COL4A3: variants seen among roughly 807,000 people sequenced by gnomAD.
COL4A3 encodes the protein collagen type IV alpha 3 chain, also known as collagen alpha-3(IV) chain.
COL4A3 carries 135 observed loss-of-function variants against 217.4 expected under a neutral mutation model. The observed-to-expected ratio is 0.62, with a 90% CI of 0.54 to 0.72. COL4A3 has a LOEUF of 0.72. COL4A3 is among the 30% of genes least tolerant of loss of function. COL4A3 has a pLI of 0.00. For synonymous variants in COL4A3, 690 were observed against 736.3 expected (o/e 0.94, Z 1.02); for missense variants, 1,868 against 2,119.9 (o/e 0.88, Z 2.33).
chr2:227,263,546 T>C (rs948177574), intron 20 of COL4A3, among the ~76,000 whole-genome samples: 1 of 152,230 alleles, frequency 6.6e-6, no homozygotes, highest in Non-Finnish European at 1.5e-5. Context: ...TTCAGTTTCT[T>C]GTAATAAATT....
intron 1 of COL4A3, chr2:227,169,352 C>A (rs1209588255): frequency 6.6e-6 from 1 of 150,924 alleles, no homozygotes; most frequent in Non-Finnish European, 1.5e-5. Flanking sequence ...AATAAACATA[C>A]GTGTGCATGT....
intron 48 of COL4A3, among the ~76,000 whole-genome samples, chr2:227,308,407 T>C (rs975680154): frequency 5.9e-5 from 9 of 152,050 alleles, no homozygotes; most frequent in African/African-American, 2.2e-4. Context: ...AGAGATGAGG[T>C]CTGGCTATGC....
chr2:227,241,120 CTAAAGTCTGTGATACAGCAA>C (rs1407257313), intron 3 of COL4A3, among the ~76,000 whole-genome samples: 8 of 152,140 alleles, frequency 5.3e-5, no homozygotes, highest in Non-Finnish European at 8.8e-5. Flanking sequence ...CATTCTTATC[CTAAAGTCTGTGATACAGCAA>C]AGGGCTTTGT....
In COL4A3 at chr2:227,284,311, C is replaced by T. The variant is rs373842619; in HGVS notation, c.2847C>T (p.His949=). ...ATCCCGGGCCTTCAGAGATATCCCA[C>T]GTAATAGGGGACAAAGGAGAACCAG... The part of the protein sequence containing the change: ...KGNPGPSEIS[H]VIGDKGEPGL... Residue 949 remains histidine, a synonymous_variant, in exon 34 of 52, where the codon CAC becomes CAT. Coordinates refer to ENST00000396578, the MANE Select transcript of COL4A3 (RefSeq NM_000091.5). 25 of 1,613,800 alleles carry T rather than the reference C, an allele frequency of 1.5e-5. No homozygotes were observed. The highest frequency in any genetic ancestry group is 6.7e-5 in the East Asian group (3 of 44,890).
At position 227,191,628 on chromosome 2, in the gene COL4A3, A is replaced by C. The variant is rs931615146; in HGVS notation, c.87+26815A>C. ...GATTTCAAAGTCGGCCAAATAACTCATCTTGGAGACAGATGTAGCTGAAGT... is the reference window on the plus strand; with the variant it reads ...GATTTCAAAGTCGGCCAAATAACTCCTCTTGGAGACAGATGTAGCTGAAGT... On this transcript the variant is annotated intron_variant, in intron 1 of 51. Coordinates refer to ENST00000396578, the MANE Select transcript of COL4A3 (RefSeq NM_000091.5). This position sits in a 1 kb window ranked among gnomAD's most constrained non-coding sequence, Gnocchi z 6.8. Among the ~76,000 whole-genome samples the C allele has an allele frequency of 2.0e-5, 3 of 152,222 alleles. No homozygotes were observed. The highest frequency in any genetic ancestry group is 4.4e-5 in the Non-Finnish European group (3 of 68,034).
intron 18 of COL4A3, among the ~76,000 whole-genome samples, chr2:227,258,441 C>T (rs1420714227): frequency 6.6e-6 from 1 of 152,220 alleles, no homozygotes; most frequent in African/African-American, 2.4e-5. Flanking sequence ...TTAGTCTGTT[C>T]TTTGCTGCTA....
chr2:227,278,767 A>G (rs1259379390), intron 28 of COL4A3, among the ~76,000 whole-genome samples: 5 of 152,338 alleles, frequency 3.3e-5, no homozygotes, highest in Non-Finnish European at 5.9e-5. Flanking sequence ...AACTAGCCCA[A>G]GAGCTCCTTG....
intron 1 of COL4A3, among the ~76,000 whole-genome samples, chr2:227,215,529 G>T (rs995744997): frequency 1.3e-5 from 2 of 152,064 alleles, no homozygotes; most frequent in Non-Finnish European, 2.9e-5. Context: ...CATGATCTTG[G>T]CTCACTGCAA....
At chr2:227,256,176 C>G in intron 16 of COL4A3, 106 bp downstream of exon 16, 2 of 1,279,358 alleles carry the variant, frequency 1.6e-6, no homozygotes, top group Admixed American at 1.8e-5. Context: ...AAAAAGCTTA[C>G]AGCTTTTAAA....
intron 1 of COL4A3, among the ~76,000 whole-genome samples, chr2:227,198,455 A>T (rs2066565308): frequency 6.6e-6 from 1 of 152,158 alleles, no homozygotes; most frequent in African/African-American, 2.4e-5. Flanking sequence ...GTGTCAAATG[A>T]ACAAAATTAA....
Position 227,246,707 on chromosome 2 carries a change from TCCCAGGGACACTGGGCTA to T in COL4A3, c.419_436del (p.Thr140_Gly145del). On this transcript the variant is annotated inframe_deletion, in exon 7 of 52. Coordinates refer to ENST00000396578, the MANE Select transcript of COL4A3 (RefSeq NM_000091.5). ...TAGGGTGAGCAGGGGTTTCCAGGACTCCCAGGGACACTGGGCTACCCAGGGATCCCGGTAGGTTTGCAT... is the reference window on the plus strand; with the variant it reads ...TAGGGTGAGCAGGGGTTTCCAGGACTCCCAGGGATCCCGGTAGGTTTGCAT... 1 of 1,612,632 alleles carries T rather than the reference TCCCAGGGACACTGGGCTA, an allele frequency of 6.2e-7. No homozygotes were observed. Among genetic ancestry groups the T allele is most frequent in the Non-Finnish European group, 8.5e-7 (1 of 1,178,790 alleles).
chr2:227,167,191 A>G (rs2065308509), intron 1 of COL4A3, among the ~76,000 whole-genome samples: 1 of 152,306 alleles, frequency 6.6e-6, no homozygotes, highest in African/African-American at 2.4e-5. Flanking sequence ...TTTTTGTTCT[A>G]CTCCAGTTAA....
At chr2:227,215,705 C>G (rs890765260) in intron 1 of COL4A3, among the ~76,000 whole-genome samples, 16 of 152,066 alleles carry the variant, frequency 1.1e-4, no homozygotes, top group African/African-American at 3.6e-4. Flanking sequence ...GTGATCCACC[C>G]GCCTCGGCCT....
intron 3 of COL4A3, 27 bp from the exon 4 acceptor site, chr2:227,244,293 A>G: frequency 6.2e-7 from 1 of 1,610,774 alleles, no homozygotes; most frequent in Non-Finnish European, 8.5e-7. Context: ...CAGAGTGTTT[A>G]CTTTTTCTTT....
intron 1 of COL4A3, among the ~76,000 whole-genome samples, chr2:227,171,667 G>A (rs1198643768): frequency 6.6e-6 from 1 of 152,166 alleles, no homozygotes; most frequent in Non-Finnish European, 1.5e-5. Flanking sequence ...ATTGTTCCTG[G>A]TGGTGAATCC....
In COL4A3 at chr2:227,302,677, C is replaced by CAAAAAAAAAAAAAAAAAA. The variant is rs56065709; in HGVS notation, c.3883-349_3883-332dup. On this transcript the variant is annotated intron_variant, in intron 43 of 51. Transcript: ENST00000396578. The stretch of plus-strand genomic sequence containing the variant: ...GGAGGACAAAACGAGACTCTTTCTC[C>CAAAAAAAAAAAAAAAAAA]AAAAAAAAAAAAAAAAAAAAAAAAA... Among the ~76,000 whole-genome samples the CAAAAAAAAAAAAAAAAAA allele has an allele frequency of 3.6e-3, 286 of 79,852 alleles. 44 individuals carry two copies. Among genetic ancestry groups the CAAAAAAAAAAAAAAAAAA allele is most frequent in the African/African-American group, 6.3e-3 (96 of 15,312 alleles). 52.4% of individuals were successfully genotyped at this position (79,852 alleles called of 152,430 possible).
intron 2 of COL4A3, among the ~76,000 whole-genome samples, chr2:227,238,924 G>C (rs560541747): frequency 1.3e-5 from 2 of 152,208 alleles, no homozygotes; most frequent in Non-Finnish European, 2.9e-5. Context: ...TTATTTGCAA[G>C]ATGCTACTGT....
chr2:227,287,019 C>G (rs10933176), intron 34 of COL4A3, among the ~76,000 whole-genome samples: 132,213 of 152,258 alleles, frequency 0.87, 57,632 homozygotes, highest in Non-Finnish European at 0.91. Flanking sequence ...GGGGGAAAGA[C>G]ACATAATGGG....
chr2:227,249,220 A>T, intron 9 of COL4A3, among the ~76,000 whole-genome samples: 2 of 24,802 alleles, frequency 8.1e-5, no homozygotes, highest in African/African-American at 1.3e-4. Context: ...TAGTATATAT[A>T]TATATATATA....
Sources: allele counts gnomAD v4.1 joint callset (sites outside exome capture counted in the v4.1 genomes callset), GRCh38; gene constraint gnomAD v4.1.1; non-coding constraint Gnocchi (gnomAD v3.1); transcripts MANE v1.5; gene names NCBI Gene and HGNC (gene_info 2026-07-23, HGNC 2026-07-21).